PPP2R5A: variants seen among roughly 807,000 people sequenced by gnomAD.
The protein encoded by PPP2R5A is protein phosphatase 2 regulatory subunit B'alpha, also known as serine/threonine-protein phosphatase 2A 56 kDa regulatory subunit alpha isoform.
Under a neutral mutation model 64.2 loss-of-function variants are expected in PPP2R5A, and 25 were observed. The observed-to-expected ratio is 0.39, with a 90% CI of 0.28 to 0.54. PPP2R5A has a LOEUF of 0.54. Among genes scored for constraint, PPP2R5A ranks in the 20% least tolerant of loss-of-function variants. PPP2R5A has a pLI of 0.67. For synonymous variants in PPP2R5A, 198 were observed against 201.2 expected, an observed-to-expected ratio of 0.98 and a Z score of 0.13; for missense variants, 425 against 576.3, an observed-to-expected ratio of 0.74 and a Z score of 2.69.
chr1:212,345,872 T>C lies in PPP2R5A; in HGVS notation c.643T>C (p.Tyr215His), dbSNP rs143781873. The change falls in exon 5 of 13, where the codon TAT becomes CAT. Residue 215 changes from tyrosine to histidine, a missense_variant. Physicochemically the swap from Tyr to His is moderately conservative, Grantham distance 83. Transcript: ENST00000261461. ...DFLKTVLHRI[Y>H]GKFLGLRAFI... ...CCTGAAGACTGTTCTGCACCGAATT[T>C]ATGGGAAATTTCTTGGATTAAGAGC... The C allele has an allele frequency of 6.2e-7, 1 of 1,611,994 alleles. No individual in the cohort carries two copies. The highest frequency in any genetic ancestry group is 8.5e-7 in the Non-Finnish European group (1 of 1,178,784).
chr1:212,319,179 G>T (rs1659213999), intron 1 of PPP2R5A, among the ~76,000 whole-genome samples: 1 of 152,232 alleles, frequency 6.6e-6, no homozygotes, highest in Non-Finnish European at 1.5e-5. Context: ...TAAATTCAGA[G>T]TGACTGAGCA....
chr1:212,289,056 T>C (rs1411299378), intron 1 of PPP2R5A, among the ~76,000 whole-genome samples: 1 of 152,264 alleles, frequency 6.6e-6, no homozygotes, highest in Admixed American at 6.5e-5. Flanking sequence ...TAATTGAAAG[T>C]ATTTAATAAA....
At chr1:212,344,244 G>T (rs1659735942) in intron 4 of PPP2R5A, among the ~76,000 whole-genome samples, 1 of 152,184 alleles carries the variant, frequency 6.6e-6, no homozygotes, top group Non-Finnish European at 1.5e-5. Context: ...AAAGTGCTGG[G>T]ATTACAGTTG....
intron 8 of PPP2R5A, chr1:212,352,822 C>T (rs559128495): frequency 9.6e-6 from 5 of 519,008 alleles, no homozygotes; most frequent in South Asian, 7.0e-5. Context: ...CATTTATGGC[C>T]TTTATCAAAG....
chr1:212,357,154 T>C lies in PPP2R5A; in HGVS notation c.1099-3T>C. The C allele has an allele frequency of 1.9e-6, 3 of 1,581,734 alleles. No homozygotes were observed. The highest frequency in any genetic ancestry group is 2.6e-6 in the Non-Finnish European group (3 of 1,166,660). On this transcript the variant is annotated splice_polypyrimidine_tract_variant and splice_region_variant and intron_variant, in intron 10 of 12. Transcript: ENST00000261461. Reference sequence around the variant, plus strand: ...TGACATTTCTCTAAATGTCTTTTTTTAGGTTGCAGAAAGGGCATTGTACTT... The same window carrying C: ...TGACATTTCTCTAAATGTCTTTTTTCAGGTTGCAGAAAGGGCATTGTACTT...
intron 3 of PPP2R5A, among the ~76,000 whole-genome samples, chr1:212,337,319 TTG>T (rs1659607655): frequency 6.6e-6 from 1 of 152,198 alleles, no homozygotes; most frequent in South Asian, 2.1e-4. Context: ...TACAGGCAGA[TTG>T]TGTATTTTCA....
At chr1:212,323,127 A>G (rs1411225259) in intron 1 of PPP2R5A, among the ~76,000 whole-genome samples, 2 of 152,150 alleles carry the variant, frequency 1.3e-5, no homozygotes, top group East Asian at 3.8e-4. Context: ...TTAATCTTGT[A>G]AGCACTCTTG....
At chr1:212,295,817 G>A (rs1037473621) in intron 1 of PPP2R5A, among the ~76,000 whole-genome samples, 7 of 152,162 alleles carry the variant, frequency 4.6e-5, no homozygotes, top group African/African-American at 9.7e-5. Context: ...CTTGAGAGGC[G>A]TTTGGAGGAC....
intron 1 of PPP2R5A, among the ~76,000 whole-genome samples, chr1:212,293,132 A>G (rs1205582970): frequency 3.3e-5 from 5 of 152,210 alleles, no homozygotes; most frequent in African/African-American, 1.2e-4. Context: ...AAGTAAATGA[A>G]TTCTGGGTCC....
Position 212,361,372 on chromosome 1 carries a change from A to G in PPP2R5A, c.*602A>G, listed in dbSNP as rs1660078225. ...ACAAAATATAAATAAAAGCTGGGAA[A>G]GTAAACCAAAATTCTTCAGATTGTT... On this transcript the variant is annotated 3_prime_UTR_variant, in exon 13 of 13. Coordinates refer to ENST00000261461, the MANE Select transcript of PPP2R5A (RefSeq NM_006243.4). The G allele has an allele frequency of 6.5e-6, 1 of 152,712 alleles. No individual in the cohort carries two copies. The highest frequency in any genetic ancestry group is 1.5e-5 in the Non-Finnish European group (1 of 68,066). 9.5% of individuals were successfully genotyped at this position (152,712 alleles called of 1,614,324 possible). A position where few individuals can be genotyped will look rare whatever the true frequency, so the allele number is the denominator to read the frequency against.
chr1:212,338,741 T>G (rs1558151228), intron 3 of PPP2R5A, among the ~76,000 whole-genome samples: 1 of 151,490 alleles, frequency 6.6e-6, no homozygotes, highest in South Asian at 2.1e-4. Context: ...GAGCCGACAT[T>G]GCGCCATTGC....
intron 2 of PPP2R5A, chr1:212,331,798 TA>T: frequency 6.6e-6 from 1 of 152,264 alleles, no homozygotes; most frequent in East Asian, 1.9e-4. Context: ...TTTGCCCAAG[TA>T]AAAAGGTGTG....
chr1:212,337,345 ATTACT>A (rs1243967626), intron 3 of PPP2R5A, among the ~76,000 whole-genome samples: 2 of 152,124 alleles, frequency 1.3e-5, no homozygotes, highest in Admixed American at 6.6e-5. Context: ...TCTTTTATTA[ATTACT>A]TTAGTGGCAC....
At chr1:212,354,729 A>C (rs949728356) in intron 8 of PPP2R5A, among the ~76,000 whole-genome samples, 2 of 150,084 alleles carry the variant, frequency 1.3e-5, no homozygotes, top group African/African-American at 2.5e-5. Context: ...AAATGTTGAG[A>C]GAGAGAGAGA....
At chr1:212,305,860 A>G (rs1658890469) in intron 1 of PPP2R5A, among the ~76,000 whole-genome samples, 1 of 152,174 alleles carries the variant, frequency 6.6e-6, no homozygotes, top group Admixed American at 6.5e-5. Context: ...TCTAAATAAG[A>G]TATAAAGATG....
intron 1 of PPP2R5A, among the ~76,000 whole-genome samples, chr1:212,302,282 CTG>C (rs1352953556): frequency 6.6e-6 from 1 of 152,166 alleles, no homozygotes; most frequent in Non-Finnish European, 1.5e-5. Flanking sequence ...AACCAACCCT[CTG>C]TGGCCATCTT....
chr1:212,361,795 T>G lies in PPP2R5A; in HGVS notation c.*1025T>G, dbSNP rs1660088095. ...ACTTGCAGTTGTGTGGAAAACTGTTTTGTAATGAAAGATCTTCATTGGGGG... is the reference window on the plus strand; with the variant it reads ...ACTTGCAGTTGTGTGGAAAACTGTTGTGTAATGAAAGATCTTCATTGGGGG... On this transcript the variant is annotated 3_prime_UTR_variant, in exon 13 of 13. Transcript: ENST00000261461. The G allele has an allele frequency of 6.5e-6, 1 of 152,684 alleles. No homozygotes were observed. The highest frequency in any genetic ancestry group is 2.1e-4 in the South Asian group (1 of 4,834). 9.5% of individuals were successfully genotyped at this position (152,684 alleles called of 1,614,324 possible). A position where few individuals can be genotyped will look rare whatever the true frequency, so the allele number is the denominator to read the frequency against.
chr1:212,333,693 A>AT (rs1235446831), intron 3 of PPP2R5A, 95 bp downstream of exon 3: 9 of 656,490 alleles, frequency 1.4e-5, no homozygotes, highest in Non-Finnish European at 2.1e-5. Context: ...TCTGTGTAAA[A>AT]TATTTGACTT....
intron 1 of PPP2R5A, among the ~76,000 whole-genome samples, chr1:212,291,890 A>C (rs1658607743): frequency 6.6e-6 from 1 of 152,212 alleles, no homozygotes; most frequent in African/African-American, 2.4e-5. Flanking sequence ...AACATGTGAT[A>C]GAGGTTTGCC....
Sources: allele counts gnomAD v4.1 joint callset (sites outside exome capture counted in the v4.1 genomes callset), GRCh38; gene constraint gnomAD v4.1.1; transcripts MANE v1.5; gene names NCBI Gene and HGNC (gene_info 2026-07-23, HGNC 2026-07-21).